CNTN4: variants seen among roughly 807,000 people sequenced by gnomAD.
CNTN4 encodes contactin 4, also known as contactin-4.
Under a neutral mutation model 122.5 loss-of-function variants are expected in CNTN4, and 77 were observed. That is an observed-to-expected ratio of 0.63 (90% CI 0.52 to 0.76). The LOEUF is 0.76. Among genes scored for constraint, CNTN4 ranks in the 30% least tolerant of loss-of-function variants. CNTN4 has a pLI of 0.00. For missense variants in CNTN4, 1,256 were observed against 1,259.1 expected, an observed-to-expected ratio of 1.00 and a Z score of 0.04; for synonymous variants, 512 against 447.0, an observed-to-expected ratio of 1.15 and a Z score of -1.83.
intron 6 of CNTN4, among the ~76,000 whole-genome samples, chr3:2,813,185 C>T (rs1330830098): frequency 2.0e-5 from 3 of 152,152 alleles, no homozygotes; most frequent in Admixed American, 1.3e-4. Context: ...AAGTTACTCT[C>T]CAAAAATACT....
intron 5 of CNTN4, among the ~76,000 whole-genome samples, chr3:2,743,076 A>G (rs756408007): frequency 6.6e-5 from 10 of 152,166 alleles, no homozygotes; most frequent in Admixed American, 1.3e-4. Flanking sequence ...AGGAAAACCT[A>G]CAGAGGAGCT....
At chr3:2,550,773 A>G (rs2078466529) in intron 3 of CNTN4, among the ~76,000 whole-genome samples, 1 of 152,192 alleles carries the variant, frequency 6.6e-6, no homozygotes, top group African/African-American at 2.4e-5. Context: ...CGTAGCCATA[A>G]AAAAGGATGA....
chr3:2,426,511 G>A (rs1298279718), intron 3 of CNTN4, among the ~76,000 whole-genome samples: 2 of 152,008 alleles, frequency 1.3e-5, no homozygotes, highest in Non-Finnish European at 2.9e-5. Flanking sequence ...GTTTATCATG[G>A]ATATTGGTCT....
chr3:2,711,253 G>C (rs942329105), intron 4 of CNTN4, among the ~76,000 whole-genome samples: 1 of 152,130 alleles, frequency 6.6e-6, no homozygotes, highest in African/African-American at 2.4e-5. Flanking sequence ...ATGGAGACTC[G>C]GTCAGGACTT....
intron 3 of CNTN4, among the ~76,000 whole-genome samples, chr3:2,514,259 A>C (rs1459484925): frequency 6.6e-6 from 1 of 152,100 alleles, no homozygotes; most frequent in Non-Finnish European, 1.5e-5. Flanking sequence ...CACAAATCAT[A>C]CCCTAACCCT....
intron 3 of CNTN4, among the ~76,000 whole-genome samples, chr3:2,401,370 A>G (rs935463020): frequency 6.6e-6 from 1 of 152,112 alleles, no homozygotes; most frequent in African/African-American, 2.4e-5. Flanking sequence ...CCTCAGTCAG[A>G]TCGATCTACT....
intron 3 of CNTN4, among the ~76,000 whole-genome samples, chr3:2,548,610 A>G (rs529733938): frequency 6.6e-6 from 1 of 152,236 alleles, no homozygotes; most frequent in South Asian, 2.1e-4. Flanking sequence ...AGGTAGCATG[A>G]TACCTCCAGC....
At chr3:2,888,416 G>C (rs1484991619) in intron 10 of CNTN4, among the ~76,000 whole-genome samples, 1 of 151,924 alleles carries the variant, frequency 6.6e-6, no homozygotes, top group Admixed American at 6.5e-5. Flanking sequence ...CTTATTTTTT[G>C]CCTGATAAGA....
At chr3:2,719,533 C>G (rs1002827530) in intron 4 of CNTN4, among the ~76,000 whole-genome samples, 6 of 152,176 alleles carry the variant, frequency 3.9e-5, no homozygotes, top group African/African-American at 1.4e-4. Flanking sequence ...GGTGATCCAC[C>G]TGCCTCGGCC....
chr3:2,565,137 G>C (rs2079102395), intron 3 of CNTN4, among the ~76,000 whole-genome samples: 1 of 152,158 alleles, frequency 6.6e-6, no homozygotes, highest in African/African-American at 2.4e-5. Context: ...AGGTGAGTAT[G>C]GTCTAAATAA....
chr3:2,883,164 G>C lies in CNTN4; in HGVS notation c.672G>C (p.Glu224Asp). Residue 224 changes from glutamate to aspartate, a missense_variant, in exon 9 of 25, where the codon GAG becomes GAC. By Grantham distance (45) the Glu-to-Asp change is conservative. Coordinates refer to ENST00000418658, the MANE Select transcript of CNTN4 (RefSeq NM_175607.3). Reference protein sequence around the residue: ...LRNDGVMGEYEPKIEVQFPET... With the variant: ...LRNDGVMGEYDPKIEVQFPET... ...TCACAGGAGTGATGGGTGAATATGA[G>C]CCCAAAATAGAAGTGCAGTTCCCAG... is the stretch of plus-strand genomic sequence containing the variant. 6.2e-7 allele frequency: 1 copy of C among 1,613,402 alleles called. No homozygotes were observed.
intron 3 of CNTN4, among the ~76,000 whole-genome samples, chr3:2,386,817 A>T (rs2046272633): frequency 6.6e-6 from 1 of 152,220 alleles, no homozygotes; most frequent in Admixed American, 6.5e-5. Context: ...GTTAGTGATA[A>T]ATTGAGAAAT....
At chr3:2,706,602 T>A (rs1010670250) in intron 4 of CNTN4, among the ~76,000 whole-genome samples, 3 of 152,140 alleles carry the variant, frequency 2.0e-5, no homozygotes, top group Admixed American at 2.0e-4. Flanking sequence ...AAATGAAAAA[T>A]GCAACAGTTT....
intron 3 of CNTN4, among the ~76,000 whole-genome samples, chr3:2,555,101 A>G (rs1408910734): frequency 1.3e-5 from 2 of 152,244 alleles, no homozygotes; most frequent in Non-Finnish European, 2.9e-5. Flanking sequence ...TGTGATTCAG[A>G]AACAAGTTTC....
At position 2,619,037 on chromosome 3, in the gene CNTN4, T is replaced by C. The variant is rs571158461; in HGVS notation, c.55+47479T>C. On this transcript the variant is annotated intron_variant, in intron 4 of 24. Transcript: ENST00000418658. Reference sequence around the variant, plus strand: ...ATACCTCTCTGTTGTGCCTTCATAATAATGAGACAGTAGCACTTATATTGC... The same window carrying C: ...ATACCTCTCTGTTGTGCCTTCATAACAATGAGACAGTAGCACTTATATTGC... Among the ~76,000 whole-genome samples the C allele has an allele frequency of 2.6e-5, 4 of 152,342 alleles. No homozygotes were observed. In the East Asian group the frequency reaches 7.7e-4, roughly 29 times the overall value.
intron 3 of CNTN4, among the ~76,000 whole-genome samples, chr3:2,405,587 ATAGATAGG>A (rs201464752): frequency 3.9e-5 from 5 of 127,558 alleles, no homozygotes; most frequent in African/African-American, 1.5e-4. Context: ...CCATACTGTT[ATAGATAGG>A]TAGATAGATA....
At chr3:2,137,736 A>C (rs2034770617) in intron 2 of CNTN4, among the ~76,000 whole-genome samples, 1 of 152,194 alleles carries the variant, frequency 6.6e-6, no homozygotes, top group Non-Finnish European at 1.5e-5. Flanking sequence ...AAAGATTTTG[A>C]GTCCAGAAGG....
At chr3:2,563,381 C>A (rs2079035049) in intron 3 of CNTN4, among the ~76,000 whole-genome samples, 1 of 152,170 alleles carries the variant, frequency 6.6e-6, no homozygotes, top group South Asian at 2.1e-4. Flanking sequence ...AAATTAAAAT[C>A]ATATTGTTGT....
chr3:2,178,333 C>T (rs1444790731), intron 2 of CNTN4, among the ~76,000 whole-genome samples: 20 of 151,656 alleles, frequency 1.3e-4, no homozygotes, highest in Admixed American at 1.3e-3. Flanking sequence ...ATTATAGAAA[C>T]GTTCTGGCAT....
Sources: gnomAD v4.1 joint callset for allele counts (sites outside exome capture counted in the v4.1 genomes callset) on GRCh38, gnomAD v4.1.1 for gene constraint, MANE v1.5 for transcripts, NCBI Gene and HGNC (gene_info 2026-07-23, HGNC 2026-07-21) for gene names.